Variants in ANO2 observed in about 807,000 individuals in gnomAD.
ANO2 encodes anoctamin-2.
A neutral mutation model predicts 124.2 loss-of-function variants in ANO2; 101 were observed. That is an observed-to-expected ratio of 0.81 (90% CI 0.69 to 0.96). The LOEUF is 0.96. Among genes scored for constraint, ANO2 ranks in the 40% least tolerant of loss-of-function variants. The pLI, the probability that ANO2 is intolerant of heterozygous loss-of-function variation, is 0.00. For synonymous variants in ANO2, 486 were observed against 482.5 expected, an observed-to-expected ratio of 1.01 and a Z score of -0.09; for missense variants, 1,293 against 1,274.5, an observed-to-expected ratio of 1.01 and a Z score of -0.22.
chr12:5,799,594 C>G (rs1441696708), intron 9 of ANO2, 23 bp from the exon 10 acceptor site: 2 of 1,609,964 alleles, frequency 1.2e-6, no homozygotes, highest in South Asian at 1.1e-5. Context: ...AATAAGGAAA[C>G]AGGTTAGAGG....
chr12:5,932,829 GA>G (rs1315670078), intron 1 of ANO2, among the ~76,000 whole-genome samples: 1 of 152,220 alleles, frequency 6.6e-6, no homozygotes, highest in Non-Finnish European at 1.5e-5. Flanking sequence ...CATGGAAGCA[GA>G]AGCCCTCAGC....
Position 5,575,496 on chromosome 12 carries a change from T to G in ANO2, c.2621+338A>C, listed in dbSNP as rs546882135. ...ACTTTGCAAACATCACAGAACGTGC[T>G]TATACAAATCTAGATGCTATATAGC... is the stretch of plus-strand genomic sequence containing the variant. On this transcript the variant is annotated intron_variant, in intron 23 of 24. Coordinates refer to ENST00000682330, the MANE Select transcript of ANO2 (RefSeq NM_001364791.2). Among the ~76,000 whole-genome samples, 18 of 152,302 alleles carry G rather than the reference T, an allele frequency of 1.2e-4. No individual in the cohort carries two copies. The South Asian group carries it at 3.3e-3, about 28-fold the overall frequency.
At chr12:5,791,410 T>C (rs1176959650) in intron 10 of ANO2, among the ~76,000 whole-genome samples, 1 of 152,026 alleles carries the variant, frequency 6.6e-6, no homozygotes, top group African/African-American at 2.4e-5. Flanking sequence ...CAAAGAGGGA[T>C]GTTCATAAAG....
chr12:5,937,110 A>ATT (rs111863185), intron 1 of ANO2, among the ~76,000 whole-genome samples: 1 of 151,994 alleles, frequency 6.6e-6, no homozygotes, highest in Admixed American at 6.5e-5. Context: ...TGGTGGTTCC[A>ATT]TTTTTTTATT....
chr12:5,761,369 C>A (rs1036077083), intron 10 of ANO2, among the ~76,000 whole-genome samples: 31 of 152,258 alleles, frequency 2.0e-4, no homozygotes, highest in Non-Finnish European at 1.5e-4. Flanking sequence ...TAGTCCACAT[C>A]CCCCATAAGA....
rs74801453 is a variant in ANO2, at chr12:5,710,729, C to G, written c.1545+21791G>C. Among the ~76,000 whole-genome samples the G allele has an allele frequency of 5.1e-3, 777 of 152,152 alleles. 7 individuals are homozygous for G. Among genetic ancestry groups the G allele is most frequent in the African/African-American group, 0.017 (709 of 41,484 alleles). ...GACTGGTACATGGGAGTTCTGACTT[C>G]TAGGGAAAATGCTAACCACAAGTAG... On this transcript the variant is annotated intron_variant, in intron 14 of 24. Coordinates refer to ENST00000682330, the MANE Select transcript of ANO2 (RefSeq NM_001364791.2).
chr12:5,898,275 A>T (rs1261154218), intron 3 of ANO2, among the ~76,000 whole-genome samples: 1 of 152,098 alleles, frequency 6.6e-6, no homozygotes, highest in East Asian at 1.9e-4. Flanking sequence ...GGAAACTGGA[A>T]CTCTCCTACA....
intron 17 of ANO2, among the ~76,000 whole-genome samples, chr12:5,614,280 T>C (rs11830935): frequency 0.24 from 36,612 of 152,138 alleles, 4,636 homozygotes; most frequent in African/African-American, 0.31. Flanking sequence ...TAGGAGTATC[T>C]TTGTTATTCC....
chr12:5,711,296 T>C (rs1949808241), intron 14 of ANO2, among the ~76,000 whole-genome samples: 1 of 152,130 alleles, frequency 6.6e-6, no homozygotes, highest in South Asian at 2.1e-4. Flanking sequence ...TATTAGTTCA[T>C]GTGAGAGCTG....
intron 14 of ANO2, among the ~76,000 whole-genome samples, chr12:5,677,145 AG>A (rs1332687355): frequency 6.6e-6 from 1 of 152,126 alleles, no homozygotes; most frequent in Non-Finnish European, 1.5e-5. Context: ...AGAATGATGC[AG>A]AAAAAGGAAG....
chr12:5,709,273 A>G (rs917189510), intron 14 of ANO2, among the ~76,000 whole-genome samples: 3 of 152,178 alleles, frequency 2.0e-5, no homozygotes, highest in Non-Finnish European at 4.4e-5. Flanking sequence ...ATAGCTGTCC[A>G]GAAGAAAAAC....
At chr12:5,595,762 A>C (rs1943629790) in intron 20 of ANO2, among the ~76,000 whole-genome samples, 1 of 152,214 alleles carries the variant, frequency 6.6e-6, no homozygotes, top group African/African-American at 2.4e-5. Flanking sequence ...TGACCTGGGA[A>C]GACTTCCTAG....
At chr12:5,915,226 C>A (rs917724328) in intron 3 of ANO2, among the ~76,000 whole-genome samples, 1 of 152,094 alleles carries the variant, frequency 6.6e-6, no homozygotes, top group Non-Finnish European at 1.5e-5. Flanking sequence ...AACGGTCAAA[C>A]TAAGAAAGCA....
chr12:5,831,862 G>C (rs991385083), intron 5 of ANO2, among the ~76,000 whole-genome samples: 1 of 152,108 alleles, frequency 6.6e-6, no homozygotes, highest in African/African-American at 2.4e-5. Flanking sequence ...CTAGAGCAAA[G>C]TTGATGCTTG....
intron 14 of ANO2, among the ~76,000 whole-genome samples, chr12:5,703,257 A>C (rs1949475629): frequency 6.6e-6 from 1 of 152,254 alleles, no homozygotes; most frequent in African/African-American, 2.4e-5. Flanking sequence ...GTATAGTATA[A>C]TACAATTTAG....
At chr12:5,773,867 C>T (rs1381472433) in intron 10 of ANO2, among the ~76,000 whole-genome samples, 4 of 152,140 alleles carry the variant, frequency 2.6e-5, no homozygotes, top group African/African-American at 9.7e-5. Context: ...ATACAATGGC[C>T]CTGGTTCAGG....
At chr12:5,565,472 C>A in intron 24 of ANO2, 86 bp downstream of exon 24, 1 of 1,182,276 alleles carries the variant, frequency 8.5e-7, no homozygotes, top group Non-Finnish European at 1.2e-6. Context: ...CCACCGGAAC[C>A]TGGAGGTAGG....
At chr12:5,733,779 C>A (rs1341626464) in intron 13 of ANO2, among the ~76,000 whole-genome samples, 2 of 152,272 alleles carry the variant, frequency 1.3e-5, no homozygotes, top group Non-Finnish European at 2.9e-5. Flanking sequence ...TCCAGGAGGA[C>A]TTCTCCAACT....
chr12:5,615,329 G>A (rs2136910018), intron 16 of ANO2, 32 bp from the exon 17 acceptor site: 1 of 1,540,636 alleles, frequency 6.5e-7, no homozygotes, highest in Non-Finnish European at 8.9e-7. Flanking sequence ...GATGAGATTG[G>A]GGTGAGATTT....
Sources: gnomAD v4.1 joint callset for allele counts (sites outside exome capture counted in the v4.1 genomes callset) on GRCh38, gnomAD v4.1.1 for gene constraint, MANE v1.5 for transcripts, NCBI Gene and HGNC (gene_info 2026-07-23, HGNC 2026-07-21) for gene names.